Variants in CCDC12 observed in about 807,000 individuals in gnomAD.
CCDC12 encodes the protein coiled-coil domain containing 12.
A neutral mutation model predicts 25.7 loss-of-function variants in CCDC12; 28 were observed. That is an observed-to-expected ratio of 1.09 (90% CI 0.81 to 1.50). The LOEUF (loss-of-function observed/expected upper bound fraction) is 1.50. Ranked by LOEUF, CCDC12 falls within the 40% of genes most tolerant of loss-of-function variation. The probability of loss-of-function intolerance (pLI) is 0.00; values close to 1 mark genes in which losing one functional copy is unlikely to be tolerated. For missense variants in CCDC12, 198 were observed against 210.0 expected, an observed-to-expected ratio of 0.94 and a Z score of 0.35; for synonymous variants, 75 against 87.7, an observed-to-expected ratio of 0.86 and a Z score of 0.81.
intron 1 of CCDC12, among the ~76,000 whole-genome samples, chr3:46,966,473 G>A (rs935401964): frequency 1.3e-5 from 2 of 151,764 alleles, no homozygotes; most frequent in African/African-American, 4.8e-5. Flanking sequence ...CTGAGACTGC[G>A]CCACTGCACC....
chr3:46,922,355 C>A lies in CCDC12; in HGVS notation c.342-43G>T, dbSNP rs377117607. On this transcript the variant is annotated intron_variant, in intron 5 of 6. Transcript: ENST00000683445. ...GGAGAAGCAGGAAGGTGAAGGCTGGCCTGATGTGGCATTGGGTCCCCTCCC... is the reference window on the plus strand; with the variant it reads ...GGAGAAGCAGGAAGGTGAAGGCTGGACTGATGTGGCATTGGGTCCCCTCCC... 1.7e-5 allele frequency: 28 copies of A among 1,608,922 alleles called. No homozygotes were observed. In the African/African-American group the frequency reaches 3.2e-4, roughly 18 times the overall value.
chr3:46,954,069 C>T (rs2034211699), intron 1 of CCDC12, among the ~76,000 whole-genome samples: 2 of 151,470 alleles, frequency 1.3e-5, no homozygotes, highest in Non-Finnish European at 2.9e-5. Context: ...GAGACAGCTT[C>T]GTGTGGCACC....
intron 2 of CCDC12, among the ~76,000 whole-genome samples, chr3:46,935,175 A>G (rs1374207464): frequency 3.9e-5 from 6 of 152,204 alleles, no homozygotes; most frequent in Admixed American, 3.9e-4. Context: ...GCAATATGTG[A>G]CACCCAGCAC....
intron 1 of CCDC12, among the ~76,000 whole-genome samples, chr3:46,973,718 T>C (rs2034879250): frequency 6.6e-6 from 1 of 150,696 alleles, no homozygotes; most frequent in Non-Finnish European, 1.5e-5. Context: ...GTTCACGTCA[T>C]TCTCCTGCCT....
chr3:46,976,924 T>G, upstream of CCDC12: 2 of 820,128 alleles, frequency 2.4e-6, no homozygotes, highest in Non-Finnish European at 3.3e-6. Flanking sequence ...CCCTTATTCT[T>G]CCGGACAACT....
chr3:46,957,721 C>T (rs1160107980), intron 1 of CCDC12, among the ~76,000 whole-genome samples: 2 of 152,018 alleles, frequency 1.3e-5, no homozygotes, highest in Non-Finnish European at 2.9e-5. Flanking sequence ...GTGGGTGGAT[C>T]ACCTGAAGTC....
At chr3:46,974,195 G>A (rs2107207762) in intron 1 of CCDC12, among the ~76,000 whole-genome samples, 1 of 152,286 alleles carries the variant, frequency 6.6e-6, no homozygotes, top group Admixed American at 6.5e-5. Context: ...GGGGAAAGGG[G>A]GAATGGAGAG....
intron 2 of CCDC12, among the ~76,000 whole-genome samples, chr3:46,933,380 T>G (rs567099988): frequency 6.6e-6 from 1 of 152,140 alleles, no homozygotes; most frequent in East Asian, 1.9e-4. Flanking sequence ...GAGATCTGTA[T>G]GGGAGCCCCC....
chr3:46,949,566 T>A, intron 1 of CCDC12, among the ~76,000 whole-genome samples: 1 of 152,078 alleles, frequency 6.6e-6, no homozygotes, highest in Non-Finnish European at 1.5e-5. Flanking sequence ...GGGCAGGTGG[T>A]GGGAACATCA....
intron 1 of CCDC12, among the ~76,000 whole-genome samples, chr3:46,961,169 C>T (rs1480762420): frequency 1.3e-5 from 2 of 151,884 alleles, no homozygotes; most frequent in South Asian, 2.1e-4. Context: ...TGTGTATATG[C>T]GCTGGAGGTG....
At position 46,956,560 on chromosome 3, in the gene CCDC12, G is replaced by A. The variant is rs149145436; in HGVS notation, c.97-15495C>T. Among the ~76,000 whole-genome samples, 331 of 152,322 alleles carry A rather than the reference G, an allele frequency of 2.2e-3. 2 individuals are homozygous for A. The highest frequency in any genetic ancestry group is 3.8e-3 in the Admixed American group (58 of 15,298). Reference sequence around the variant, plus strand: ...TAAGGGGCTAGGCTCAGTAGCTCACGCCTGTAATCCCAACACTTTGGGAGG... The same window carrying A: ...TAAGGGGCTAGGCTCAGTAGCTCACACCTGTAATCCCAACACTTTGGGAGG... On this transcript the variant is annotated intron_variant, in intron 1 of 6. Coordinates refer to ENST00000683445, the MANE Select transcript of CCDC12 (RefSeq NM_001277074.2).
At chr3:46,955,283 T>C (rs1026430314) in intron 1 of CCDC12, among the ~76,000 whole-genome samples, 4 of 152,164 alleles carry the variant, frequency 2.6e-5, no homozygotes, top group African/African-American at 2.4e-5. Context: ...GCTTCTTCAT[T>C]TGAATGTTTA....
At chr3:46,969,207 C>T (rs2034726809) in intron 1 of CCDC12, among the ~76,000 whole-genome samples, 1 of 152,134 alleles carries the variant, frequency 6.6e-6, no homozygotes, top group Admixed American at 6.5e-5. Flanking sequence ...CTCTTTTACC[C>T]TCCCCCAACC....
intron 1 of CCDC12, chr3:46,976,294 G>T: frequency 8.5e-7 from 1 of 1,169,732 alleles, no homozygotes; most frequent in Non-Finnish European, 1.1e-6. Flanking sequence ...TAGAGGAACG[G>T]AACAAATCAC....
At chr3:46,976,785 G>A (rs1004798028), upstream of CCDC12, 3 of 1,559,258 alleles carry the variant, frequency 1.9e-6, no homozygotes, top group Non-Finnish European at 2.6e-6. Flanking sequence ...GCAGGCCTAA[G>A]GAGAGTGGAT....
intron 1 of CCDC12, chr3:46,976,329 C>T (rs1427002346): frequency 7.8e-7 from 1 of 1,284,908 alleles, no homozygotes; most frequent in Non-Finnish European, 9.9e-7. Context: ...GCATCTGAAC[C>T]TACAGGCAGC....
intron 3 of CCDC12, chr3:46,925,226 G>A (rs2032894650): frequency 2.9e-6 from 2 of 690,166 alleles, no homozygotes; most frequent in Admixed American, 2.0e-5. Context: ...CGGTCTCAGG[G>A]TGTGAGCAGG....
chr3:46,925,601 A>G (rs2032919556), intron 2 of CCDC12, 66 bp from the exon 3 acceptor site: 1 of 1,307,258 alleles, frequency 7.6e-7, no homozygotes, highest in African/African-American at 1.5e-5. Flanking sequence ...TCATTCATTC[A>G]TACAATTTGC....
chr3:46,976,239 G>A (rs912510637), intron 1 of CCDC12: 14 of 925,672 alleles, frequency 1.5e-5, no homozygotes, highest in African/African-American at 1.8e-5. Flanking sequence ...TGGGGAGTCT[G>A]TCTGACTCAG....
Sources: allele counts gnomAD v4.1 joint callset (sites outside exome capture counted in the v4.1 genomes callset), GRCh38; gene constraint gnomAD v4.1.1; transcripts MANE v1.5; gene names NCBI Gene and HGNC (gene_info 2026-07-23, HGNC 2026-07-21).